Variants in CCDC92 observed in about 807,000 individuals in gnomAD.
The protein encoded by CCDC92 is coiled-coil domain containing 92.
In CCDC92, 12 loss-of-function variants were observed where a neutral mutation model predicts 24.9. The ratio of observed to expected loss-of-function variants is 0.48; its 90% CI spans 0.31 to 0.78. CCDC92 has a LOEUF of 0.78. Among genes scored for constraint, CCDC92 ranks in the 30% least tolerant of loss-of-function variants. The probability of loss-of-function intolerance (pLI) is 0.05; values close to 1 mark genes in which losing one functional copy is unlikely to be tolerated. For missense variants in CCDC92, 399 were observed against 439.4 expected (o/e 0.91, Z 0.82); for synonymous variants, 193 against 196.3 (o/e 0.98, Z 0.14).
chr12:123,953,245 C>CAA (rs78040312), intron 1 of CCDC92, among the ~76,000 whole-genome samples: 9 of 89,866 alleles, frequency 1.0e-4, no homozygotes, highest in South Asian at 3.5e-4. Context: ...CAGTAGCAAC[C>CAA]AAAAAAAAAA....
Position 123,937,667 on chromosome 12 carries a change from C to A in CCDC92, c.387G>T (p.Lys129Asn). ...TCTTGGCCTTCAGCTCCTCCAGGTA[C>A]TTCTTCTCTCGCTCCTTGATGGTGT... The part of the protein sequence containing the change: ...LENTIKEREK[K>N]YLEELKAKSH... The change falls in exon 5 of 5, where the codon AAG becomes AAT. Residue 129 changes from lysine to asparagine, a missense_variant. Transcript: ENST00000238156. This position sits in a 1 kb window ranked among gnomAD's most constrained non-coding sequence, Gnocchi z 8.4. 1 of 1,614,096 alleles carries A rather than the reference C, an allele frequency of 6.2e-7. No homozygotes were observed. Among genetic ancestry groups the A allele is most frequent in the South Asian group, 1.1e-5 (1 of 91,072 alleles).
chr12:123,950,670 G>A (rs572726590), intron 1 of CCDC92, among the ~76,000 whole-genome samples: 2 of 152,300 alleles, frequency 1.3e-5, no homozygotes, highest in African/African-American at 4.8e-5. Context: ...AGGCTGATAG[G>A]AGTCCTCTGG....
At chr12:123,963,419 A>G (rs1448518436) in intron 1 of CCDC92, among the ~76,000 whole-genome samples, 5 of 152,224 alleles carry the variant, frequency 3.3e-5, no homozygotes, top group Non-Finnish European at 5.9e-5. Context: ...ATAGGAGCCT[A>G]TCTGAGTGAG....
At chr12:123,943,865 G>A (rs1955766768) in intron 2 of CCDC92, 1 of 440,646 alleles carries the variant, frequency 2.3e-6, no homozygotes, top group African/African-American at 1.9e-5. Context: ...GTATGGAGCA[G>A]GGATTCTAAT....
In CCDC92 at chr12:123,936,539, C is replaced by T. The variant is rs758544716; in HGVS notation, c.*519G>A. The T allele has an allele frequency of 1.8e-5, 3 of 164,864 alleles. No individual in the cohort carries two copies. Among genetic ancestry groups the T allele is most frequent in the Admixed American group, 1.1e-4 (2 of 17,498 alleles). The allele number at this position is 164,864 out of a possible 1,614,324, so 10.2% of individuals were successfully genotyped here. A position where few individuals can be genotyped will look rare whatever the true frequency, so the allele number is the denominator to read the frequency against. ...ATCTTATTTAGTTCCTTGAGATACA[C>T]GCACGGCTGCTCGGTGATCGGTGCC... is the stretch of plus-strand genomic sequence containing the variant. On this transcript the variant is annotated 3_prime_UTR_variant, in exon 5 of 5. Transcript: ENST00000238156.
chr12:123,944,195 G>T (rs1193058763), intron 2 of CCDC92, 77 bp downstream of exon 2: 5 of 904,428 alleles, frequency 5.5e-6, no homozygotes, highest in Non-Finnish European at 9.3e-6. Flanking sequence ...CAGGTGTCTG[G>T]AGTCTGTCCC....
intron 1 of CCDC92, among the ~76,000 whole-genome samples, chr12:123,947,622 C>T (rs1227263659): frequency 6.6e-6 from 1 of 152,118 alleles, no homozygotes; most frequent in Non-Finnish European, 1.5e-5. Flanking sequence ...TGTGTGGATA[C>T]TCTGTATCTA....
chr12:123,937,608 TCCAGCTCG>T lies in CCDC92; in HGVS notation c.438_445del (p.Ser146ArgfsTer71). ...GTAGGCGATGGTGCTGGCCCGCTGC[TCCAGCTCG>T]CTAGACAGCAGGGTCAGCTTGTGAC... On this transcript the variant is annotated frameshift_variant, in exon 5 of 5. Transcript: ENST00000238156. LOFTEE classifies it high-confidence loss of function. The surrounding 1 kb of genome is among the most constrained non-coding windows in gnomAD (Gnocchi z 8.4). The T allele has an allele frequency of 6.2e-7, 1 of 1,613,738 alleles. No homozygotes were observed. Among genetic ancestry groups the T allele is most frequent in the Non-Finnish European group, 8.5e-7 (1 of 1,180,016 alleles).
chr12:123,957,803 C>A lies in CCDC92; in HGVS notation c.-59-13439G>T, dbSNP rs144943324. Among the ~76,000 whole-genome samples, 178 of 137,966 alleles carry A rather than the reference C, an allele frequency of 1.3e-3. 1 individual carries two copies. The highest frequency in any genetic ancestry group is 4.6e-3 in the African/African-American group (169 of 36,766). 90.5% of individuals were successfully genotyped at this position (137,966 alleles called of 152,430 possible). A position where few individuals can be genotyped will look rare whatever the true frequency, so the allele number is the denominator to read the frequency against. On this transcript the variant is annotated intron_variant, in intron 1 of 4. Coordinates refer to ENST00000238156, the MANE Select transcript of CCDC92 (RefSeq NM_025140.3). Reference sequence around the variant, plus strand: ...GGCTCACTGCAACCTCCACCTCCCACGTTCAAGTGATTCTTGTGCCTCAGC... The same window carrying A: ...GGCTCACTGCAACCTCCACCTCCCAAGTTCAAGTGATTCTTGTGCCTCAGC...
At position 123,944,280 on chromosome 12, in the gene CCDC92, T is replaced by C; in HGVS notation, c.26A>G (p.Tyr9Cys). The C allele has an allele frequency of 1.3e-6, 2 of 1,595,200 alleles. No individual in the cohort carries two copies. The highest frequency in any genetic ancestry group is 1.1e-5 in the South Asian group (1 of 89,250). MTSPHFSSYDEGPLDVSMA... is the reference protein window; with the variant it reads MTSPHFSSCDEGPLDVSMA... ...AGGGCCCCAGACTCTACCTTCATCG[T>C]AACTCGAGAAATGTGGTGAAGTCAT... is the stretch of plus-strand genomic sequence containing the variant. The change falls in exon 2 of 5, where the codon TAC becomes TGC. Residue 9 changes from tyrosine (Y) to cysteine (C), a missense_variant. Tyr to Cys is a radical substitution (Grantham distance 194). Coordinates refer to ENST00000238156, the MANE Select transcript of CCDC92 (RefSeq NM_025140.3).
At chr12:123,952,838 G>C (rs1394441603) in intron 1 of CCDC92, among the ~76,000 whole-genome samples, 1 of 152,210 alleles carries the variant, frequency 6.6e-6, no homozygotes, top group Admixed American at 6.5e-5. Context: ...AAAACATCTT[G>C]TTGGTTAGTC....
chr12:123,943,643 G>C (rs1289007916), intron 2 of CCDC92, 150 bp from the exon 3 acceptor site: 3 of 807,612 alleles, frequency 3.7e-6, no homozygotes, highest in Non-Finnish European at 5.9e-6. Flanking sequence ...GGGGGCACCA[G>C]GGCTACATTC....
At chr12:123,950,465 C>T (rs1291625369) in intron 1 of CCDC92, among the ~76,000 whole-genome samples, 1 of 152,172 alleles carries the variant, frequency 6.6e-6, no homozygotes. Flanking sequence ...GACTCTTGCT[C>T]GTAATACCAG....
chr12:123,943,464 T>C lies in CCDC92; in HGVS notation c.64A>G (p.Asn22Asp), dbSNP rs1448273354. 7 of 1,614,052 alleles carry C rather than the reference T, an allele frequency of 4.3e-6. No homozygotes were observed. Among genetic ancestry groups the C allele is most frequent in the Non-Finnish European group, 5.1e-6 (6 of 1,180,036 alleles). The part of the protein sequence containing the change: ...GPLDVSMAAT[N>D]LENQLHSAQK... ...GCGCTGTGCAGCTGGTTCTCCAGGTTTGTGGCTGCCATGCTGACATCCAGA... is the reference window on the plus strand; with the variant it reads ...GCGCTGTGCAGCTGGTTCTCCAGGTCTGTGGCTGCCATGCTGACATCCAGA... Residue 22 changes from asparagine (N) to aspartate (D), a missense_variant, in exon 3 of 5, where the codon AAC becomes GAC. Asn to Asp is a conservative substitution (Grantham distance 23). Transcript: ENST00000238156.
chr12:123,935,896 G>C lies in CCDC92; in HGVS notation c.*1162C>G, dbSNP rs1955472236. Reference sequence around the variant, plus strand: ...TTTGGCAAGAAGGGCTGATGATGTCGGGCACAGAGCAGAAGTGACCAGTCA... The same window carrying C: ...TTTGGCAAGAAGGGCTGATGATGTCCGGCACAGAGCAGAAGTGACCAGTCA... On this transcript the variant is annotated 3_prime_UTR_variant, in exon 5 of 5. Coordinates refer to ENST00000238156, the MANE Select transcript of CCDC92 (RefSeq NM_025140.3). 1 of 163,190 alleles carries C rather than the reference G, an allele frequency of 6.1e-6. No individual in the cohort carries two copies. The highest frequency in any genetic ancestry group is 2.4e-5 in the African/African-American group (1 of 41,790). The allele number at this position is 163,190 out of a possible 1,614,324, so 10.1% of individuals were successfully genotyped here. A position where few individuals can be genotyped will look rare whatever the true frequency, so the allele number is the denominator to read the frequency against.
At chr12:123,947,234 A>G (rs1039229783) in intron 1 of CCDC92, among the ~76,000 whole-genome samples, 3 of 152,090 alleles carry the variant, frequency 2.0e-5, no homozygotes, top group Admixed American at 6.6e-5. Context: ...GCCATGCCTG[A>G]GCCTCCCACC....
At chr12:123,943,681 G>A in intron 2 of CCDC92, 188 bp from the exon 3 acceptor site, 1 of 648,216 alleles carries the variant, frequency 1.5e-6, no homozygotes, top group South Asian at 1.9e-5. Context: ...CCCCAGGCCA[G>A]GGACGGCAGC....
Position 123,937,532 on chromosome 12 carries a change from C to A in CCDC92, c.522G>T (p.Gly174=). The change falls in exon 5 of 5, where the codon GGG becomes GGT. Residue 174 remains glycine, a synonymous_variant. Coordinates refer to ENST00000238156, the MANE Select transcript of CCDC92 (RefSeq NM_025140.3). This position sits in a 1 kb window ranked among gnomAD's most constrained non-coding sequence, Gnocchi z 8.4. ...AAKKKLMSSS[G]TSDASPSGSP... is the part of the protein sequence containing the mutation. ...TCCCTGACGGGCTGGCATCTGAGGT[C>A]CCGCTGGAGCTCATGAGCTTCTTCT... The A allele has an allele frequency of 6.2e-7, 1 of 1,612,366 alleles. No individual in the cohort carries two copies. The highest frequency in any genetic ancestry group is 8.5e-7 in the Non-Finnish European group (1 of 1,180,010).
At chr12:123,967,333 C>T (rs565895936) in intron 1 of CCDC92, among the ~76,000 whole-genome samples, 4 of 152,328 alleles carry the variant, frequency 2.6e-5, no homozygotes, top group African/African-American at 9.6e-5. Flanking sequence ...AACCTAATAA[C>T]TTCTGCTATG....
Sources: allele counts gnomAD v4.1 joint callset (sites outside exome capture counted in the v4.1 genomes callset), GRCh38; gene constraint gnomAD v4.1.1; non-coding constraint Gnocchi (gnomAD v3.1); transcripts MANE v1.5; gene names NCBI Gene and HGNC (gene_info 2026-07-23, HGNC 2026-07-21).